Variants in AGBL1 observed in about 807,000 individuals in gnomAD.
The protein encoded by AGBL1 is AGBL carboxypeptidase 1, also known as cytosolic carboxypeptidase 4.
AGBL1 carries 130 observed loss-of-function variants against 118.9 expected under a neutral mutation model. That is an observed-to-expected ratio of 1.09 (90% confidence interval 0.95 to 1.26). The LOEUF (loss-of-function observed/expected upper bound fraction) is 1.26. AGBL1 is among the 50% of genes most tolerant of loss of function. AGBL1 has a pLI of 0.00. For missense variants in AGBL1, 1,584 were observed against 1,298.1 expected (o/e 1.22, Z -3.38); for synonymous variants, 555 against 478.9 (o/e 1.16, Z -2.08).
At chr15:86,232,383 A>T (rs1298637077) in intron 6 of AGBL1, among the ~76,000 whole-genome samples, 1 of 152,074 alleles carries the variant, frequency 6.6e-6, no homozygotes, top group African/African-American at 2.4e-5. Context: ...CGCTAGTCCA[A>T]TATTTATTTT....
chr15:86,160,585 C>G (rs928731006), intron 5 of AGBL1, among the ~76,000 whole-genome samples: 7 of 152,178 alleles, frequency 4.6e-5, no homozygotes, highest in African/African-American at 1.7e-4. Context: ...CAGGCCTTTG[C>G]TGCTGACATC....
chr15:86,625,842 C>T (rs1036435742), intron 21 of AGBL1, among the ~76,000 whole-genome samples: 12 of 152,112 alleles, frequency 7.9e-5, no homozygotes, highest in East Asian at 1.9e-4. Context: ...TGCCAATATC[C>T]GAATGCAAAT....
chr15:86,478,821 G>C (rs529535123), intron 18 of AGBL1, among the ~76,000 whole-genome samples: 35 of 152,280 alleles, frequency 2.3e-4, no homozygotes, highest in African/African-American at 7.9e-4. Flanking sequence ...CTCACTACCT[G>C]ACTTCAAACT....
intron 23 of AGBL1, among the ~76,000 whole-genome samples, chr15:86,976,335 A>G (rs1336773296): frequency 6.6e-6 from 1 of 151,678 alleles, no homozygotes; most frequent in Admixed American, 6.6e-5. Context: ...TACAACTTAG[A>G]AATATATCAT....
chr15:86,574,666 C>T (rs62012475), intron 21 of AGBL1, among the ~76,000 whole-genome samples: 19,642 of 147,294 alleles, frequency 0.13, 1,757 homozygotes, highest in Non-Finnish European at 0.17. Flanking sequence ...CAATCTCCAC[C>T]TCCCAGGTTC....
rs2083209570 is a variant in AGBL1 at position 86,522,942 on chromosome 15, G to A, written c.2685+3G>A. On this transcript the variant is annotated splice_donor_region_variant and intron_variant, in intron 19 of 22. Coordinates refer to ENST00000614907, the MANE Select transcript of AGBL1 (RefSeq NM_001386094.1). The stretch of plus-strand genomic sequence containing the variant: ...GCAGCATTGGCCGAAGTCCCGTGGT[G>A]AGTCACTTCCTTCTGCCTCCACCTT... The A allele has an allele frequency of 6.2e-7, 1 of 1,613,566 alleles. No individual in the cohort carries two copies. Among genetic ancestry groups the A allele is most frequent in the Non-Finnish European group, 8.5e-7 (1 of 1,179,656 alleles).
At chr15:86,468,760 G>A (rs2082439761) in intron 18 of AGBL1, among the ~76,000 whole-genome samples, 1 of 152,118 alleles carries the variant, frequency 6.6e-6, no homozygotes, top group South Asian at 2.1e-4. Context: ...TAATAATTCA[G>A]CAATTATGGT....
intron 21 of AGBL1, among the ~76,000 whole-genome samples, chr15:86,600,895 C>G (rs1404410940): frequency 2.6e-5 from 4 of 152,148 alleles, no homozygotes; most frequent in Admixed American, 1.3e-4. Context: ...CCTGGGAGAG[C>G]TGATACTAAT....
At chr15:86,237,795 A>G (rs1270863201) in intron 6 of AGBL1, among the ~76,000 whole-genome samples, 2 of 152,174 alleles carry the variant, frequency 1.3e-5, no homozygotes, top group Non-Finnish European at 2.9e-5. Flanking sequence ...AGCCTGACAG[A>G]TTCCCCCGCT....
At chr15:86,472,372 G>A (rs115703146) in intron 18 of AGBL1, among the ~76,000 whole-genome samples, 1,806 of 152,184 alleles carry the variant, frequency 0.012, 39 homozygotes, top group African/African-American at 0.041. Context: ...TATCCTCTCC[G>A]ACATCTGATT....
At chr15:86,819,301 A>G (rs2078907365) in intron 22 of AGBL1, among the ~76,000 whole-genome samples, 1 of 152,080 alleles carries the variant, frequency 6.6e-6, no homozygotes, top group African/African-American at 2.4e-5. Context: ...CACAAAGATA[A>G]GGAGAAAAAG....
chr15:86,852,473 G>T (rs1019445201), intron 22 of AGBL1, among the ~76,000 whole-genome samples: 8 of 152,032 alleles, frequency 5.3e-5, no homozygotes, highest in Non-Finnish European at 1.2e-4. Flanking sequence ...ATCACTTTAC[G>T]ACATCCCCTG....
At chr15:86,808,135 T>C (rs2078742738) in intron 22 of AGBL1, among the ~76,000 whole-genome samples, 1 of 152,188 alleles carries the variant, frequency 6.6e-6, no homozygotes, top group Admixed American at 6.5e-5. Flanking sequence ...TTTCTTCTAA[T>C]AAATTTTCAA....
intron 3 of AGBL1, among the ~76,000 whole-genome samples, chr15:86,154,060 T>C (rs2077154391): frequency 6.6e-6 from 1 of 152,128 alleles, no homozygotes; most frequent in Non-Finnish European, 1.5e-5. Context: ...ACATACTACA[T>C]TTGAATGTTA....
At chr15:86,291,993 A>T (rs922051583) in intron 16 of AGBL1, among the ~76,000 whole-genome samples, 3 of 152,182 alleles carry the variant, frequency 2.0e-5, no homozygotes, top group African/African-American at 7.2e-5. Flanking sequence ...TGTTGTGTCA[A>T]ATCCTGGCTT....
At chr15:86,933,909 C>T (rs1276121325) in intron 23 of AGBL1, among the ~76,000 whole-genome samples, 1 of 152,184 alleles carries the variant, frequency 6.6e-6, no homozygotes, top group Non-Finnish European at 1.5e-5. Context: ...TCTAACACTG[C>T]CCAGTACAAG....
At position 87,024,959 on chromosome 15, in the gene AGBL1, C is replaced by T. The variant is rs550101360; in HGVS notation, c.3324-3866C>T. On this transcript the variant is annotated intron_variant, in intron 24 of 24. Transcript: ENST00000441037. Reference sequence around the variant, plus strand: ...TTATGATTAAAACTCTCAGTAAAATCGACATACAAGGGACATACCTCAATA... The same window carrying T: ...TTATGATTAAAACTCTCAGTAAAATTGACATACAAGGGACATACCTCAATA... Among the ~76,000 whole-genome samples the T allele has an allele frequency of 1.2e-4, 18 of 151,752 alleles. No homozygotes were observed. The South Asian group carries it at 2.1e-3, about 18-fold the overall frequency.
intron 17 of AGBL1, among the ~76,000 whole-genome samples, chr15:86,351,996 T>G (rs1377039259): frequency 1.3e-5 from 2 of 152,164 alleles, no homozygotes; most frequent in Non-Finnish European, 2.9e-5. Flanking sequence ...TCTACCTCCT[T>G]CCTGTGAGAA....
At chr15:86,690,928 T>C (rs558516595) in intron 22 of AGBL1, among the ~76,000 whole-genome samples, 1 of 152,298 alleles carries the variant, frequency 6.6e-6, no homozygotes, top group Admixed American at 6.5e-5. Context: ...ATTCTATTGT[T>C]CATAATTGTA....
Sources: gnomAD v4.1 joint callset for allele counts (sites outside exome capture counted in the v4.1 genomes callset) on GRCh38, gnomAD v4.1.1 for gene constraint, MANE v1.5 for transcripts, NCBI Gene and HGNC (gene_info 2026-07-23, HGNC 2026-07-21) for gene names.